Variants in SFXN5 observed in about 807,000 individuals in gnomAD.
The protein encoded by SFXN5 is sideroflexin-5.
Under a neutral mutation model 50.2 loss-of-function variants are expected in SFXN5, and 43 were observed. The ratio of observed to expected loss-of-function variants is 0.86; its 90% CI spans 0.67 to 1.11. The LOEUF (loss-of-function observed/expected upper bound fraction) is 1.11. SFXN5 is among the 50% of genes least tolerant of loss of function. SFXN5 has a pLI of 0.00. For synonymous variants in SFXN5, 203 were observed against 185.8 expected (o/e 1.09, Z -0.75); for missense variants, 463 against 454.1 (o/e 1.02, Z -0.18).
At chr2:73,030,453 C>T (rs1459228536) in intron 3 of SFXN5, among the ~76,000 whole-genome samples, 1 of 152,138 alleles carries the variant, frequency 6.6e-6, no homozygotes, top group Admixed American at 6.6e-5. Context: ...CTCAAGCAAT[C>T]CTCCTACCCA....
chr2:73,063,062 A>T (rs1188560646), intron 1 of SFXN5, among the ~76,000 whole-genome samples: 5 of 152,206 alleles, frequency 3.3e-5, no homozygotes, highest in Non-Finnish European at 7.4e-5. Flanking sequence ...ATGATGCCTC[A>T]CTTTCTAGTG....
At chr2:72,987,480 G>A (rs760991522) in intron 10 of SFXN5, among the ~76,000 whole-genome samples, 8 of 151,996 alleles carry the variant, frequency 5.3e-5, no homozygotes, top group African/African-American at 1.2e-4. Flanking sequence ...ATTAGTGACC[G>A]GGCATGGTGG....
At chr2:73,003,518 T>C (rs1451908639) in intron 6 of SFXN5, among the ~76,000 whole-genome samples, 1 of 152,210 alleles carries the variant, frequency 6.6e-6, no homozygotes, top group Non-Finnish European at 1.5e-5. Context: ...TCTGAATAAC[T>C]GGTGTGCATG....
chr2:73,041,438 T>A (rs2105926707), intron 2 of SFXN5, among the ~76,000 whole-genome samples: 1 of 152,226 alleles, frequency 6.6e-6, no homozygotes, highest in East Asian at 1.9e-4. Flanking sequence ...ACACCTGTAA[T>A]CCCAGCACTT....
chr2:72,970,468 C>A (rs1675018147), intron 11 of SFXN5, among the ~76,000 whole-genome samples: 2 of 152,154 alleles, frequency 1.3e-5, no homozygotes, highest in Admixed American at 1.3e-4. Context: ...TTGAGAAGAC[C>A]TCATGACTGG....
At chr2:73,071,572 C>G in intron 1 of SFXN5, 32 bp downstream of exon 1, 1 of 1,600,008 alleles carries the variant, frequency 6.2e-7, no homozygotes, top group Non-Finnish European at 8.5e-7. Flanking sequence ...CTTTGCCACC[C>G]GCCGGCCCGC....
At chr2:73,061,655 C>A (rs924157872) in intron 1 of SFXN5, among the ~76,000 whole-genome samples, 1 of 151,922 alleles carries the variant, frequency 6.6e-6, no homozygotes, top group Admixed American at 6.6e-5. Flanking sequence ...ATTATATTTT[C>A]AAAAAAGCTA....
chr2:73,001,572 C>G lies in SFXN5; in HGVS notation c.364G>C (p.Gly122Arg). ...AGTGTCTGGTTGGGCAAGAGAAGAC[C>G]GACTACCTATGAGCAAGAGAGAAGA... ...YIPFGTPIVV[G>R]LLLPNQTLAS... The change falls in exon 7 of 14, where the codon GGT becomes CGT. Residue 122 changes from glycine to arginine, a missense_variant. Gly to Arg is a moderately radical substitution (Grantham distance 125). Coordinates refer to ENST00000272433, the MANE Select transcript of SFXN5 (RefSeq NM_144579.3). The G allele has an allele frequency of 6.2e-7, 1 of 1,614,056 alleles. No homozygotes were observed. Among genetic ancestry groups the G allele is most frequent in the Non-Finnish European group, 8.5e-7 (1 of 1,179,992 alleles).
At chr2:72,976,886 T>C (rs1290108187) in intron 10 of SFXN5, among the ~76,000 whole-genome samples, 1 of 152,218 alleles carries the variant, frequency 6.6e-6, no homozygotes, top group Non-Finnish European at 1.5e-5. Context: ...TTATTACATA[T>C]GATAAACAAA....
intron 9 of SFXN5, among the ~76,000 whole-genome samples, chr2:72,989,778 A>G (rs1184687877): frequency 1.3e-5 from 2 of 152,238 alleles, no homozygotes; most frequent in Admixed American, 6.5e-5. Context: ...GACAAGATGC[A>G]TGAAACCAGA....
chr2:72,953,709 G>A lies in SFXN5; in HGVS notation c.945+7422C>T, dbSNP rs148693413. On this transcript the variant is annotated intron_variant, in intron 13 of 13. Transcript: ENST00000272433. The surrounding 1 kb of genome is among the most constrained non-coding windows in gnomAD (Gnocchi z 4.1). Reference sequence around the variant, plus strand: ...GATCTTAGTGGGGAAGATCAGGGAGGACTTCCTGGAGGAGGAGCCATTTCT... The same window carrying A: ...GATCTTAGTGGGGAAGATCAGGGAGAACTTCCTGGAGGAGGAGCCATTTCT... 1.8e-3 allele frequency among the ~76,000 whole-genome samples: 270 copies of A among 152,302 alleles called. 1 individual carries two copies. Among genetic ancestry groups the A allele is most frequent in the Middle Eastern group, 0.014 (4 of 294 alleles).
At chr2:73,030,704 A>G (rs1006176668) in intron 3 of SFXN5, among the ~76,000 whole-genome samples, 3 of 152,098 alleles carry the variant, frequency 2.0e-5, no homozygotes, top group Non-Finnish European at 4.4e-5. Flanking sequence ...CACGACATTC[A>G]CTACACTAGG....
intron 2 of SFXN5, 69 bp downstream of exon 2, chr2:73,058,459 T>C: frequency 6.8e-7 from 1 of 1,462,036 alleles, no homozygotes; most frequent in Non-Finnish European, 9.6e-7. Context: ...CCTCCCTTAA[T>C]GACCCACATA....
At chr2:73,017,306 T>C (rs1676288999) in intron 6 of SFXN5, among the ~76,000 whole-genome samples, 1 of 152,152 alleles carries the variant, frequency 6.6e-6, no homozygotes, top group African/African-American at 2.4e-5. Flanking sequence ...AGTGTATCTT[T>C]TTAATAGCTT....
At chr2:73,032,000 G>A (rs932180347) in intron 3 of SFXN5, among the ~76,000 whole-genome samples, 1 of 152,184 alleles carries the variant, frequency 6.6e-6, no homozygotes, top group Non-Finnish European at 1.5e-5. Context: ...GACTCCTTGG[G>A]TCTAGGCTTT....
intron 11 of SFXN5, among the ~76,000 whole-genome samples, 184 bp from the exon 12 acceptor site, chr2:72,968,717 T>TTCCTTCCTTCCTCCTTCCC (rs1363736702): frequency 6.6e-6 from 1 of 152,014 alleles, no homozygotes; most frequent in Non-Finnish European, 1.5e-5. Context: ...TTTTCCTTCC[T>TTCCTTCCTTCCTCCTTCCC]TCCTTCCTTC....
chr2:73,066,186 G>A (rs527459669), intron 1 of SFXN5, among the ~76,000 whole-genome samples: 1 of 152,254 alleles, frequency 6.6e-6, no homozygotes, highest in African/African-American at 2.4e-5. Context: ...ACATTGAGAA[G>A]GTGGGGAATT....
chr2:73,049,742 C>T (rs572942763), intron 2 of SFXN5: 2 of 152,296 alleles, frequency 1.3e-5, no homozygotes, highest in African/African-American at 4.8e-5. Context: ...GTCCTTCTCA[C>T]AAATATTCAT....
chr2:73,047,392 T>C (rs576065496), intron 2 of SFXN5, among the ~76,000 whole-genome samples: 1 of 146,744 alleles, frequency 6.8e-6, no homozygotes, highest in South Asian at 2.1e-4. Context: ...CATGTATATG[T>C]GTGTGTGTGT....
Sources: gnomAD v4.1 joint callset for allele counts (sites outside exome capture counted in the v4.1 genomes callset) on GRCh38, gnomAD v4.1.1 for gene constraint, Gnocchi (gnomAD v3.1) non-coding constraint, MANE v1.5 for transcripts, NCBI Gene and HGNC (gene_info 2026-07-23, HGNC 2026-07-21) for gene names.